Variants in EDRF1 observed in about 807,000 individuals in gnomAD.
EDRF1 encodes the protein erythroid differentiation regulatory factor 1, also known as erythroid differentiation-related factor 1.
A neutral mutation model predicts 148.7 loss-of-function variants in EDRF1; 69 were observed. That is an observed-to-expected ratio of 0.46 (90% CI 0.38 to 0.57). The LOEUF (loss-of-function observed/expected upper bound fraction) is 0.57, where lower values mean the gene tolerates loss of function less well. EDRF1 is among the 20% of genes least tolerant of loss of function. The probability of loss-of-function intolerance (pLI) is 0.00; values close to 1 mark genes in which losing one functional copy is unlikely to be tolerated. For missense variants in EDRF1, 1,118 were observed against 1,478.7 expected (o/e 0.76, Z 4.00); for synonymous variants, 515 against 532.8 (o/e 0.97, Z 0.46).
chr10:125,756,873 C>T, intron 24 of EDRF1: 1 of 420,386 alleles, frequency 2.4e-6, no homozygotes, highest in Non-Finnish European at 4.7e-6. Context: ...AGTGCAGTGG[C>T]ATGATCATAG....
At chr10:125,749,032 T>C in intron 21 of EDRF1, 1 of 281,962 alleles carries the variant, frequency 3.5e-6, no homozygotes, top group Admixed American at 4.9e-5. Context: ...GGTTGGATCA[T>C]TTGAGGTCGG....
intron 24 of EDRF1, among the ~76,000 whole-genome samples, chr10:125,758,453 AT>A (rs367669832): frequency 3.8e-4 from 57 of 149,280 alleles, no homozygotes; most frequent in Non-Finnish European, 1.3e-4. Context: ...CAAGAGAAAT[AT>A]TTTTTTTTTG....
chr10:125,740,694 A>G, intron 16 of EDRF1, 43 bp downstream of exon 16: 1 of 1,583,110 alleles, frequency 6.3e-7, no homozygotes, highest in Non-Finnish European at 8.6e-7. Context: ...CACTGGGAAG[A>G]GAGAACAGAG....
At chr10:125,725,498 T>C (rs1848215706) in intron 5 of EDRF1, 56 bp downstream of exon 5, 2 of 1,605,944 alleles carry the variant, frequency 1.2e-6, no homozygotes, top group East Asian at 2.2e-5. Flanking sequence ...ATCTAAAATT[T>C]AGTGTGAAGC....
At chr10:125,732,010 T>TA (rs1438125567) in intron 9 of EDRF1, 1 of 346,822 alleles carries the variant, frequency 2.9e-6, no homozygotes, top group African/African-American at 2.1e-5. Context: ...TTTGAACCGT[T>TA]ATATTCCAAC....
chr10:125,740,780 C>T, intron 16 of EDRF1, 129 bp downstream of exon 16: 5 of 1,171,518 alleles, frequency 4.3e-6, no homozygotes, highest in Non-Finnish European at 6.2e-6. Context: ...TGTTTCCAAT[C>T]CTGTGTGTGT....
intron 23 of EDRF1, among the ~76,000 whole-genome samples, chr10:125,753,336 C>T (rs1001416717): frequency 1.3e-5 from 2 of 152,092 alleles, no homozygotes; most frequent in African/African-American, 2.4e-5. Flanking sequence ...CTGGGCATTC[C>T]GGCATTCATT....
At position 125,763,745 on chromosome 10, in the gene EDRF1, G is replaced by A; in HGVS notation, c.*273G>A. The A allele has an allele frequency of 4.1e-6, 2 of 484,650 alleles. No individual in the cohort carries two copies. The highest frequency in any genetic ancestry group is 7.5e-6 in the Non-Finnish European group (2 of 267,320). The allele number at this position is 484,650 out of a possible 1,614,324, so 30.0% of individuals were successfully genotyped here. On this transcript the variant is annotated 3_prime_UTR_variant, in exon 25 of 25. Transcript: ENST00000356792. This position sits in a 1 kb window ranked among gnomAD's most constrained non-coding sequence, Gnocchi z 4.3. ...ACCTCGGTATTAACAGACCTGCTGT[G>A]ATGCAGTTACACTTTCACGTATTTT...
intron 6 of EDRF1, among the ~76,000 whole-genome samples, chr10:125,726,813 A>C: frequency 6.6e-6 from 1 of 152,240 alleles, no homozygotes; most frequent in East Asian, 1.9e-4. Context: ...AACAACCAAG[A>C]AGTAGGGATG....
chr10:125,736,648 T>TG (rs1848751922), intron 13 of EDRF1, among the ~76,000 whole-genome samples: 1 of 152,130 alleles, frequency 6.6e-6, no homozygotes, highest in Admixed American at 6.5e-5. Flanking sequence ...CTTAAAACAT[T>TG]GACCATCTTT....
At chr10:125,724,046 C>A in intron 4 of EDRF1, 110 bp downstream of exon 4, 1 of 1,267,804 alleles carries the variant, frequency 7.9e-7, no homozygotes, top group Non-Finnish European at 1.1e-6. Context: ...AGTACTTCAA[C>A]AATCGAGAAA....
chr10:125,740,347 C>G (rs1245469050), intron 15 of EDRF1, 116 bp from the exon 16 acceptor site: 4 of 1,044,772 alleles, frequency 3.8e-6, no homozygotes. Context: ...ATAGTATTTA[C>G]CAGTCTTGTC....
In EDRF1 at chr10:125,734,133, A is replaced by T. The variant is rs1174575214; in HGVS notation, c.1447A>T (p.Thr483Ser). 4 of 1,613,324 alleles carry T rather than the reference A, an allele frequency of 2.5e-6. No homozygotes were observed. The South Asian group carries it at 4.4e-5, about 18-fold the overall frequency. Reference protein sequence around the residue: ...QNKKHYGTIRTLLLNCLKLLD... With the variant: ...QNKKHYGTIRSLLLNCLKLLD... Reference sequence around the variant, plus strand: ...TAAGAAACACTATGGAACTATTAGAACATTGCTTCTTAATTGTCTGAAATT... The same window carrying T: ...TAAGAAACACTATGGAACTATTAGATCATTGCTTCTTAATTGTCTGAAATT... The change falls in exon 12 of 25, where the codon ACA becomes TCA. Residue 483 changes from threonine (T) to serine (S), a missense_variant. This residue lies in a region of EDRF1 where 954 missense variants were observed against 1,241.4 expected (regional missense o/e 0.77). Coordinates refer to ENST00000356792, the MANE Select transcript of EDRF1 (RefSeq NM_001202438.2).
At chr10:125,725,961 G>T in intron 6 of EDRF1, 123 bp downstream of exon 6, 1 of 1,101,976 alleles carries the variant, frequency 9.1e-7, no homozygotes, top group Non-Finnish European at 1.3e-6. Flanking sequence ...ATGGAATGGG[G>T]GAAAAAAGAC....
Position 125,734,102 on chromosome 10 carries a change from T to G in EDRF1, c.1416T>G (p.Asn472Lys). 6.2e-7 allele frequency: 1 copy of G among 1,613,216 alleles called. No homozygotes were observed. Among genetic ancestry groups the G allele is most frequent in the African/African-American group, 1.3e-5 (1 of 74,984 alleles). ...KVACNMMMKK[N>K]QNKKHYGTIR... is the part of the protein sequence containing the mutation. ...CTTGCAACATGATGATGAAGAAGAATCAAAATAAGAAACACTATGGAACTA... is the reference window on the plus strand; with the variant it reads ...CTTGCAACATGATGATGAAGAAGAAGCAAAATAAGAAACACTATGGAACTA... The change falls in exon 12 of 25, where the codon AAT becomes AAG. Residue 472 changes from asparagine to lysine, a missense_variant. Around this residue, in one of 3 missense-constraint regions of EDRF1, gnomAD observed 954 missense variants for 1,241.4 expected, o/e 0.77. Coordinates refer to ENST00000356792, the MANE Select transcript of EDRF1 (RefSeq NM_001202438.2).
intron 6 of EDRF1, 136 bp downstream of exon 6, chr10:125,725,974 C>CT: frequency 1.0e-6 from 1 of 1,003,040 alleles, no homozygotes; most frequent in Non-Finnish European, 1.5e-6. Flanking sequence ...AAAAAGACTT[C>CT]TGTCAATTTA....
At chr10:125,749,682 A>G (rs1849542994) in intron 22 of EDRF1, 117 bp downstream of exon 22, 1 of 1,236,492 alleles carries the variant, frequency 8.1e-7, no homozygotes, top group Non-Finnish European at 1.2e-6. Flanking sequence ...TTTGCCCCAT[A>G]GTTAATGACT....
chr10:125,719,942 C>G, intron 1 of EDRF1, 27 bp downstream of exon 1: 1 of 1,596,012 alleles, frequency 6.3e-7, no homozygotes, highest in Non-Finnish European at 8.6e-7. Flanking sequence ...GGGGGACCTG[C>G]CAGGGATGTG....
chr10:125,743,344 TCAAG>T, intron 18 of EDRF1, 68 bp downstream of exon 18: 1 of 1,347,068 alleles, frequency 7.4e-7, no homozygotes, highest in Non-Finnish European at 1.1e-6. Context: ...TTTGTATGAG[TCAAG>T]CAAAGAACTG....
Sources: gnomAD v4.1 joint callset for allele counts (sites outside exome capture counted in the v4.1 genomes callset) on GRCh38, gnomAD v4.1.1 for gene constraint, gnomAD v4.1.1 regional missense constraint, Gnocchi (gnomAD v3.1) non-coding constraint, MANE v1.5 for transcripts, NCBI Gene and HGNC (gene_info 2026-07-23, HGNC 2026-07-21) for gene names.